Variants in SPTBN2 observed in about 807,000 individuals in gnomAD.
SPTBN2 encodes the protein spectrin beta, non-erythrocytic 2.
A neutral mutation model predicts 284.2 loss-of-function variants in SPTBN2; 107 were observed. The observed-to-expected ratio is 0.38, with a 90% CI of 0.32 to 0.44. SPTBN2 has a LOEUF of 0.44. SPTBN2 is among the 20% of genes least tolerant of loss of function. The probability of loss-of-function intolerance (pLI) is 1.00; values close to 1 mark genes in which losing one functional copy is unlikely to be tolerated. For missense variants in SPTBN2, 2,569 were observed against 3,287.1 expected (o/e 0.78, Z 5.34); for synonymous variants, 1,289 against 1,354.8 (o/e 0.95, Z 1.07).
intron 37 of SPTBN2, 102 bp from the exon 38 acceptor site, chr11:66,686,206 A>T (rs1565106525): frequency 1.4e-6 from 2 of 1,412,560 alleles, no homozygotes; most frequent in Non-Finnish European, 2.0e-6. Context: ...AAGTGAGCTG[A>T]CTGTTTCATG....
At chr11:66,719,153 C>T (rs1022556812) in intron 3 of SPTBN2, among the ~76,000 whole-genome samples, 3 of 152,226 alleles carry the variant, frequency 2.0e-5, no homozygotes, top group African/African-American at 7.2e-5. Flanking sequence ...AATCTGGAAA[C>T]GAGGAAATCC....
At chr11:66,727,290 AC>A (rs1357929215) in intron 1 of SPTBN2, among the ~76,000 whole-genome samples, 2 of 152,124 alleles carry the variant, frequency 1.3e-5, no homozygotes, top group Non-Finnish European at 2.9e-5. Context: ...GTTTGTTGCT[AC>A]CTCTGCCCAT....
Position 66,708,818 on chromosome 11 carries a change from C to T in SPTBN2, c.1191+84G>A. ...GATAGTAGAACTTGGTGAAGGTCGA[C>T]ATGGCCCCGGGTTTGGGGATGTGTG... is the stretch of plus-strand genomic sequence containing the variant. On this transcript the variant is annotated intron_variant, in intron 11 of 37. Transcript: ENST00000533211. This position sits in a 1 kb window ranked among gnomAD's most constrained non-coding sequence, Gnocchi z 4.4. 8.7e-7 allele frequency: 1 copy of T among 1,148,628 alleles called. No homozygotes were observed. Among genetic ancestry groups the T allele is most frequent in the Non-Finnish European group, 1.3e-6 (1 of 768,024 alleles). The allele number at this position is 1,148,628 out of a possible 1,614,324, so 71.2% of individuals were successfully genotyped here. A position where few individuals can be genotyped will look rare whatever the true frequency, so the allele number is the denominator to read the frequency against.
At chr11:66,725,493 T>A (rs1942582690) in intron 1 of SPTBN2, among the ~76,000 whole-genome samples, 1 of 152,196 alleles carries the variant, frequency 6.6e-6, no homozygotes, top group Non-Finnish European at 1.5e-5. Context: ...GACCAGGGTC[T>A]CCATGCTCAC....
upstream of SPTBN2, among the ~76,000 whole-genome samples, chr11:66,730,065 G>A (rs963174816): frequency 6.6e-6 from 1 of 152,046 alleles, no homozygotes; most frequent in South Asian, 2.1e-4. Context: ...GCCTCCCAAA[G>A]TGCTGGGATT....
rs1405454137 is a variant in SPTBN2 at position 66,721,248 on chromosome 11, G to A, written c.-8C>T. On this transcript the variant is annotated 5_prime_UTR_variant, in exon 3 of 38. Transcript: ENST00000533211. ...TGACAGCGTGCTGCTCATGGTGGTA[G>A]GCGGCTTCCTGCTCCTGCAAGGAGA... 9 of 1,614,058 alleles carry A rather than the reference G, an allele frequency of 5.6e-6. No homozygotes were observed. Among genetic ancestry groups the A allele is most frequent in the Non-Finnish European group, 7.6e-6 (9 of 1,180,020 alleles).
At chr11:66,704,480 A>C in intron 15 of SPTBN2, 118 bp downstream of exon 15, 1 of 1,214,870 alleles carries the variant, frequency 8.2e-7, no homozygotes, top group Non-Finnish European at 1.1e-6. Flanking sequence ...AGAAATGGAC[A>C]ACCATTAAGA....
Position 66,694,353 on chromosome 11 carries a change from C to G in SPTBN2, c.4289G>C (p.Trp1430Ser). 6.2e-7 allele frequency: 1 copy of G among 1,614,056 alleles called. No individual in the cohort carries two copies. The highest frequency in any genetic ancestry group is 1.1e-5 in the South Asian group (1 of 91,080). Reference sequence around the variant, plus strand: ...CTCCTTCTCTCTCACAGCCATCTCCCATTCCAGCATCTGCAAACCGCCAGG... The same window carrying G: ...CTCCTTCTCTCTCACAGCCATCTCCGATTCCAGCATCTGCAAACCGCCAGG... ...ILLKKQQMLE[W>S]EMAVREKEVE... is the part of the protein sequence containing the mutation. Residue 1430 changes from tryptophan (W) to serine (S), a missense_variant, in exon 22 of 38, where the codon TGG becomes TCG. Coordinates refer to ENST00000533211, the MANE Select transcript of SPTBN2 (RefSeq NM_006946.4).
At position 66,683,040 on chromosome 11, in the gene SPTBN2, C is replaced by A. The variant is rs902243846; in HGVS notation, c.*2831G>T. On this transcript the variant is annotated 3_prime_UTR_variant, in exon 38 of 38. Coordinates refer to ENST00000533211, the MANE Select transcript of SPTBN2 (RefSeq NM_006946.4). ...AAGTGCTGGGATTATAAGCGTGAACCACCATGCCTGGCCAAGTAATCCATT... is the reference window on the plus strand; with the variant it reads ...AAGTGCTGGGATTATAAGCGTGAACAACCATGCCTGGCCAAGTAATCCATT... 6.6e-6 allele frequency among the ~76,000 whole-genome samples: 1 copy of A among 150,560 alleles called. No individual in the cohort carries two copies. The highest frequency in any genetic ancestry group is 6.7e-5 in the Admixed American group (1 of 15,034).
In SPTBN2 at chr11:66,689,812, G is replaced by A; in HGVS notation, c.5942C>T (p.Ala1981Val). The change falls in exon 29 of 38, where the codon GCC (alanine) becomes GTC (valine). Residue 1981 changes from alanine to valine, a missense_variant. Around this residue, in one of 6 missense-constraint regions of SPTBN2, gnomAD observed 1,130 missense variants for 1,317.3 expected, o/e 0.86. Coordinates refer to ENST00000533211, the MANE Select transcript of SPTBN2 (RefSeq NM_006946.4). ...CACCCAGGCCTCACCCACCTCCTCG[G>A]CCGCATAGTGGCTCCTGGCCAGCAG... ...KELLARSHYA[A>V]EEISEKLSQL... The A allele has an allele frequency of 6.2e-7, 1 of 1,613,560 alleles. No individual in the cohort carries two copies. Among genetic ancestry groups the A allele is most frequent in the Non-Finnish European group, 8.5e-7 (1 of 1,180,010 alleles).
intron 1 of SPTBN2, among the ~76,000 whole-genome samples, chr11:66,723,975 ACT>A (rs1207617575): frequency 3.9e-5 from 6 of 152,000 alleles, no homozygotes; most frequent in Admixed American, 3.9e-4. Context: ...CAGCACTCAA[ACT>A]CTCTCTGCAC....
chr11:66,703,303 A>G (rs1941346423), intron 15 of SPTBN2, among the ~76,000 whole-genome samples: 1 of 152,002 alleles, frequency 6.6e-6, no homozygotes, highest in Non-Finnish European at 1.5e-5. Flanking sequence ...GCTGGTTATG[A>G]ACTCTTGGAA....
chr11:66,702,189 T>A (rs968526653), intron 15 of SPTBN2, among the ~76,000 whole-genome samples: 10 of 152,198 alleles, frequency 6.6e-5, no homozygotes, highest in Non-Finnish European at 1.5e-4. Flanking sequence ...GTTTTTGAGA[T>A]GGAGTCTCGC....
chr11:66,693,399 C>T lies in SPTBN2; in HGVS notation c.4641G>A (p.Leu1547=), dbSNP rs1940698241. ...IQGHEPRIAD[L]RERQRALGAA... is the part of the protein sequence containing the mutation. ...CACCTAGAGCACGCTGCCGCTCCCT[C>T]AGGTCCGCGATCCGGGGCTCATGGC... is the stretch of plus-strand genomic sequence containing the variant. Residue 1547 remains leucine (L), a synonymous_variant, in exon 24 of 38, where the codon CTG becomes CTA. Transcript: ENST00000533211. This position sits in a 1 kb window ranked among gnomAD's most constrained non-coding sequence, Gnocchi z 5.7. The T allele has an allele frequency of 6.2e-7, 1 of 1,600,934 alleles. No homozygotes were observed. The highest frequency in any genetic ancestry group is 1.1e-5 in the South Asian group (1 of 91,094).
chr11:66,703,020 G>C (rs141726091), intron 15 of SPTBN2, among the ~76,000 whole-genome samples: 1,955 of 150,998 alleles, frequency 0.013, 47 homozygotes, highest in African/African-American at 0.045. Context: ...AAGGGTTGCA[G>C]TTTGTTAACC....
intron 10 of SPTBN2, among the ~76,000 whole-genome samples, chr11:66,709,374 C>T (rs888709319): frequency 6.6e-6 from 1 of 152,112 alleles, no homozygotes; most frequent in African/African-American, 2.4e-5. Context: ...GATGGGGTTT[C>T]ACCATGCTGG....
At position 66,707,485 on chromosome 11, in the gene SPTBN2, T is replaced by C; in HGVS notation, c.1653+31A>G. 1 of 1,572,330 alleles carries C rather than the reference T, an allele frequency of 6.4e-7. No homozygotes were observed. The highest frequency in any genetic ancestry group is 8.6e-7 in the Non-Finnish European group (1 of 1,159,406). On this transcript the variant is annotated intron_variant, in intron 13 of 37. Transcript: ENST00000533211. This position sits in a 1 kb window ranked among gnomAD's most constrained non-coding sequence, Gnocchi z 4.9. ...TGGGGCCCCCTCGACTCTTGATCAC[T>C]CTTACCCCACCCAGCACGCCTCACT...
chr11:66,687,926 G>A lies in SPTBN2; in HGVS notation c.6451-8C>T, dbSNP rs1940253533. ...CTGTTGTCCCAGCAGGGGCTGCAAG[G>A]ACAAGAATCTGTAAAAGGATGTGCG... On this transcript the variant is annotated splice_region_variant and splice_polypyrimidine_tract_variant and intron_variant, in intron 33 of 37. Transcript: ENST00000533211. The surrounding 1 kb of genome is among the most constrained non-coding windows in gnomAD (Gnocchi z 5.2). 1 of 1,614,078 alleles carries A rather than the reference G, an allele frequency of 6.2e-7. No homozygotes were observed. The highest frequency in any genetic ancestry group is 1.3e-5 in the African/African-American group (1 of 74,924).
In SPTBN2 at chr11:66,688,206, C is replaced by T. The variant is rs1940275696; in HGVS notation, c.6337G>A (p.Val2113Met). The T allele has an allele frequency of 1.2e-6, 2 of 1,613,716 alleles. No homozygotes were observed. The highest frequency in any genetic ancestry group is 1.7e-6 in the Non-Finnish European group (2 of 1,180,034). The change falls in exon 32 of 38, where the codon GTG becomes ATG. Residue 2113 changes from valine to methionine, a missense_variant. By Grantham distance (21) the Val-to-Met change is conservative. Around this residue, in one of 6 missense-constraint regions of SPTBN2, gnomAD observed 1,130 missense variants for 1,317.3 expected, o/e 0.86. Coordinates refer to ENST00000533211, the MANE Select transcript of SPTBN2 (RefSeq NM_006946.4). Reference protein sequence around the residue: ...PTASVPPGDLVGGQTASDTTW... With the variant: ...PTASVPPGDLMGGQTASDTTW... ...GTGTCAGAAGCTGTCTGGCCGCCCA[C>T]CAGGTCCCCTGGAGGCACACTGGCT...
Sources: gnomAD v4.1 joint callset for allele counts (sites outside exome capture counted in the v4.1 genomes callset) on GRCh38, gnomAD v4.1.1 for gene constraint, gnomAD v4.1.1 regional missense constraint, Gnocchi (gnomAD v3.1) non-coding constraint, MANE v1.5 for transcripts, NCBI Gene and HGNC (gene_info 2026-07-23, HGNC 2026-07-21) for gene names.